B3GALT1: variants seen among roughly 807,000 people sequenced by gnomAD.
B3GALT1 encodes the protein beta-1,3-galactosyltransferase 1, also known as UDP-Gal:betaGlcNAc beta 1,3-galactosyltransferase, polypeptide 1.
B3GALT1 carries 10 observed loss-of-function variants against 23.2 expected under a neutral mutation model. The observed-to-expected ratio is 0.43, with a 90% CI of 0.27 to 0.73. B3GALT1 has a LOEUF of 0.73. Ranked by LOEUF, B3GALT1 falls within the 30% of genes least tolerant of loss-of-function variation. B3GALT1 has a pLI of 0.21. For missense variants in B3GALT1, 299 were observed against 405.4 expected (o/e 0.74, Z 2.25); for synonymous variants, 156 against 141.5 (o/e 1.10, Z -0.73).
At chr2:167,325,866 T>C (rs1283454309) in intron 1 of B3GALT1, among the ~76,000 whole-genome samples, 13 of 151,790 alleles carry the variant, frequency 8.6e-5, no homozygotes, top group African/African-American at 2.9e-4. Context: ...TACAGACGTT[T>C]GCCACCACAC....
At chr2:167,868,053 G>A (rs540605349) in intron 4 of B3GALT1, among the ~76,000 whole-genome samples, 1 of 152,204 alleles carries the variant, frequency 6.6e-6, no homozygotes. Flanking sequence ...GAACACATGG[G>A]TGAATGGTTG....
rs1384466585 is a variant in B3GALT1, at chr2:167,389,113, T to C, written c.-511+95779T>C. Among the ~76,000 whole-genome samples the C allele has an allele frequency of 2.0e-5, 3 of 152,196 alleles. No individual in the cohort carries two copies. In the East Asian group the frequency reaches 5.8e-4, roughly 29 times the overall value. On this transcript the variant is annotated intron_variant, in intron 1 of 4. Coordinates refer to ENST00000392690, the MANE Select transcript of B3GALT1 (RefSeq NM_020981.4). The stretch of plus-strand genomic sequence containing the variant: ...CTGGTTACAAAGAGAGCCAGTATAT[T>C]ATATAAGAACAACTTGTCATAGACT...
chr2:167,299,157 C>T (rs1300052419), intron 1 of B3GALT1, among the ~76,000 whole-genome samples: 1 of 152,070 alleles, frequency 6.6e-6, no homozygotes, highest in Non-Finnish European at 1.5e-5. Flanking sequence ...GAGATGTTTC[C>T]TAGACACATA....
chr2:167,805,904 T>A (rs1443584160), intron 3 of B3GALT1, among the ~76,000 whole-genome samples: 2 of 152,186 alleles, frequency 1.3e-5, no homozygotes, highest in East Asian at 1.9e-4. Flanking sequence ...ATTGAATCTA[T>A]AAATTACCTT....
At chr2:167,476,014 T>C (rs993926656) in intron 1 of B3GALT1, among the ~76,000 whole-genome samples, 2 of 152,200 alleles carry the variant, frequency 1.3e-5, no homozygotes, top group African/African-American at 4.8e-5. Flanking sequence ...ACCAGTCATA[T>C]TGGATTAGGG....
chr2:167,770,921 A>G (rs1688061706), intron 3 of B3GALT1, among the ~76,000 whole-genome samples: 1 of 152,178 alleles, frequency 6.6e-6, no homozygotes, highest in East Asian at 1.9e-4. Flanking sequence ...GCCTTGCCCT[A>G]TCTCCATTTT....
intron 4 of B3GALT1, among the ~76,000 whole-genome samples, chr2:167,863,162 TTC>T (rs201834823): frequency 1.3e-5 from 2 of 151,202 alleles, no homozygotes; most frequent in African/African-American, 2.4e-5. Context: ...TTTTGTGGTA[TTC>T]TCTCTTTTTT....
chr2:167,334,597 C>G lies in B3GALT1; in HGVS notation c.-511+41263C>G, dbSNP rs149238011. 2.3e-4 allele frequency among the ~76,000 whole-genome samples: 35 copies of G among 152,082 alleles called. No homozygotes were observed. The East Asian group carries it at 6.2e-3, about 27-fold the overall frequency. ...TATTGAAGGAAGAAGTTGAAATGAG[C>G]AATAAAAATAATAAAAAGTTTACAA... On this transcript the variant is annotated intron_variant, in intron 1 of 4. Coordinates refer to ENST00000392690, the MANE Select transcript of B3GALT1 (RefSeq NM_020981.4).
intron 2 of B3GALT1, among the ~76,000 whole-genome samples, chr2:167,526,999 C>A (rs1226845816): frequency 1.3e-5 from 2 of 152,006 alleles, no homozygotes; most frequent in Non-Finnish European, 2.9e-5. Flanking sequence ...GTTCCTAATT[C>A]ATTTAAATAA....
chr2:167,822,569 T>C (rs568096130), intron 4 of B3GALT1, among the ~76,000 whole-genome samples: 1 of 152,290 alleles, frequency 6.6e-6, no homozygotes, highest in African/African-American at 2.4e-5. Flanking sequence ...ATTATTAAAA[T>C]AACATTTACA....
At chr2:167,502,063 T>C (rs1284737675) in intron 2 of B3GALT1, among the ~76,000 whole-genome samples, 1 of 152,220 alleles carries the variant, frequency 6.6e-6, no homozygotes, top group Non-Finnish European at 1.5e-5. Context: ...TGGTGGTTCG[T>C]TCATTCATTT....
Position 167,873,267 on chromosome 2 carries a change from G to A in B3GALT1, c.*3247G>A, listed in dbSNP as rs1180335965. On this transcript the variant is annotated 3_prime_UTR_variant, in exon 5 of 5. Transcript: ENST00000392690. ...ACTTTTTGGAAAAACGTTTCTCTTT[G>A]GTGGCTAGTTTCGGTGGCTTGGTGT... 2 of 151,696 alleles carry A rather than the reference G, an allele frequency of 1.3e-5. No homozygotes were observed. The highest frequency in any genetic ancestry group is 4.8e-5 in the African/African-American group (2 of 41,276). 9.4% of individuals were successfully genotyped at this position (151,696 alleles called of 1,614,324 possible). A position where few individuals can be genotyped will look rare whatever the true frequency, so the allele number is the denominator to read the frequency against.
chr2:167,793,825 T>G (rs1168210587), intron 3 of B3GALT1, among the ~76,000 whole-genome samples: 1 of 152,218 alleles, frequency 6.6e-6, no homozygotes, highest in Non-Finnish European at 1.5e-5. Flanking sequence ...TTTGCAAATG[T>G]TACAGGCCAT....
At chr2:167,654,650 T>C (rs777334988) in intron 3 of B3GALT1, among the ~76,000 whole-genome samples, 1 of 151,794 alleles carries the variant, frequency 6.6e-6, no homozygotes, top group Non-Finnish European at 1.5e-5. Flanking sequence ...TGCACCACCA[T>C]TCCCAGCTAA....
At chr2:167,559,866 G>C (rs976185558) in intron 2 of B3GALT1, among the ~76,000 whole-genome samples, 3 of 152,182 alleles carry the variant, frequency 2.0e-5, no homozygotes, top group African/African-American at 4.8e-5. Context: ...ATGGAACCAA[G>C]TTGGAAAACA....
intron 3 of B3GALT1, among the ~76,000 whole-genome samples, chr2:167,651,628 G>T (rs1345066353): frequency 6.6e-6 from 1 of 151,962 alleles, no homozygotes; most frequent in Non-Finnish European, 1.5e-5. Flanking sequence ...CATTATGTTG[G>T]ACTTTGAGTA....
intron 2 of B3GALT1, among the ~76,000 whole-genome samples, chr2:167,532,445 T>G (rs1683341283): frequency 6.6e-6 from 1 of 152,204 alleles, no homozygotes; most frequent in South Asian, 2.1e-4. Flanking sequence ...ATTCATTTTC[T>G]GTATTTTTTG....
intron 2 of B3GALT1, among the ~76,000 whole-genome samples, chr2:167,531,953 G>A (rs1574122292): frequency 6.6e-6 from 1 of 152,160 alleles, no homozygotes; most frequent in South Asian, 2.1e-4. Context: ...AAGAATTTGG[G>A]GTCAAGTGTT....
chr2:167,528,504 C>A (rs1442791010), intron 2 of B3GALT1, among the ~76,000 whole-genome samples: 3 of 152,128 alleles, frequency 2.0e-5, no homozygotes, highest in Admixed American at 6.6e-5. Flanking sequence ...TTCACTTCTT[C>A]AGGGAGACAA....
Sources: gnomAD v4.1 joint callset for allele counts (sites outside exome capture counted in the v4.1 genomes callset) on GRCh38, gnomAD v4.1.1 for gene constraint, MANE v1.5 for transcripts, NCBI Gene and HGNC (gene_info 2026-07-23, HGNC 2026-07-21) for gene names.